Variants in TLE1 observed in about 807,000 individuals in gnomAD.
TLE1 encodes transducin-like enhancer protein 1.
A neutral mutation model predicts 89.8 loss-of-function variants in TLE1; 21 were observed. That is an observed-to-expected ratio of 0.23 (90% CI 0.17 to 0.34). TLE1 has a LOEUF of 0.34. Among genes scored for constraint, TLE1 ranks in the 10% least tolerant of loss-of-function variants. The pLI is 1.00. For synonymous variants in TLE1, 447 were observed against 407.6 expected (o/e 1.10, Z -1.16); for missense variants, 795 against 1,031.2 (o/e 0.77, Z 3.14).
intron 15 of TLE1, 63 bp downstream of exon 15, chr9:81,592,962 G>T: frequency 6.4e-7 from 1 of 1,570,384 alleles, no homozygotes; most frequent in East Asian, 2.3e-5. Flanking sequence ...GGCCCACACA[G>T]CTATTTCCTT....
At position 81,675,945 on chromosome 9, in the gene TLE1, C is replaced by T. The variant is rs562152980; in HGVS notation, c.234+9731G>A. On this transcript the variant is annotated intron_variant, in intron 4 of 19. Transcript: ENST00000376499. ...CGATCTCCTGACCTCGTGATCCGCC[C>T]GCCTCAGCCTCCCAAAGTGCTGGGA... 1.4e-4 allele frequency among the ~76,000 whole-genome samples: 22 copies of T among 152,126 alleles called. 1 individual carries two copies. The highest frequency in any genetic ancestry group is 5.1e-4 in the African/African-American group (21 of 41,502).
intron 4 of TLE1, among the ~76,000 whole-genome samples, chr9:81,671,701 ACCT>A (rs1407840548): frequency 6.6e-6 from 1 of 152,104 alleles, no homozygotes; most frequent in African/African-American, 2.4e-5. Context: ...AGTATTTGAA[ACCT>A]CCTTATACTT....
intron 4 of TLE1, among the ~76,000 whole-genome samples, chr9:81,663,819 G>A (rs1428092014): frequency 6.6e-6 from 1 of 151,688 alleles, no homozygotes; most frequent in Non-Finnish European, 1.5e-5. Context: ...TAGAGACGGG[G>A]TTTCACCATG....
intron 9 of TLE1, among the ~76,000 whole-genome samples, chr9:81,617,751 C>T (rs887341813): frequency 3.3e-5 from 5 of 151,802 alleles, no homozygotes; most frequent in African/African-American, 7.3e-5. Flanking sequence ...GTGGGCTGGG[C>T]GCGGTGGCTC....
intron 6 of TLE1, among the ~76,000 whole-genome samples, chr9:81,634,742 T>C (rs932049541): frequency 6.6e-6 from 1 of 152,130 alleles, no homozygotes; most frequent in East Asian, 1.9e-4. Context: ...CACGCTGTTT[T>C]CAGAGGGATT....
At chr9:81,655,831 C>G (rs968987131) in intron 4 of TLE1, among the ~76,000 whole-genome samples, 1 of 142,666 alleles carries the variant, frequency 7.0e-6, no homozygotes, top group Non-Finnish European at 1.5e-5. Flanking sequence ...CCAGCCAAGG[C>G]GACAGAGCAA....
chr9:81,629,372 G>C (rs1193328978), intron 8 of TLE1, among the ~76,000 whole-genome samples: 1 of 151,912 alleles, frequency 6.6e-6, no homozygotes, highest in Non-Finnish European at 1.5e-5. Flanking sequence ...GCCTTTCTTA[G>C]GTCATTTCAT....
intron 4 of TLE1, among the ~76,000 whole-genome samples, chr9:81,674,946 G>A (rs1832698677): frequency 6.6e-6 from 1 of 151,858 alleles, no homozygotes; most frequent in South Asian, 2.1e-4. Context: ...CTTGAGTCCA[G>A]GAATTCGAGA....
At chr9:81,624,048 T>C (rs1825622370) in intron 8 of TLE1, among the ~76,000 whole-genome samples, 1 of 152,034 alleles carries the variant, frequency 6.6e-6, no homozygotes, top group African/African-American at 2.4e-5. Context: ...CTCAGAAGAG[T>C]GATTTTTAAA....
chr9:81,685,002 T>C (rs1458562217), intron 4 of TLE1, among the ~76,000 whole-genome samples: 1 of 152,212 alleles, frequency 6.6e-6, no homozygotes, highest in Non-Finnish European at 1.5e-5. Context: ...TTATGGGAAC[T>C]TGCAAACTCA....
At chr9:81,684,393 T>G (rs1353736744) in intron 4 of TLE1, among the ~76,000 whole-genome samples, 2 of 116,236 alleles carry the variant, frequency 1.7e-5, no homozygotes, top group Non-Finnish European at 3.6e-5. Flanking sequence ...ACATTATTAA[T>G]AAAAGGCCCT....
At chr9:81,688,081 C>G in intron 1 of TLE1, 136 bp downstream of exon 1, 1 of 1,143,500 alleles carries the variant, frequency 8.7e-7, no homozygotes, top group Non-Finnish European at 1.3e-6. Flanking sequence ...AAGAGAGGGC[C>G]CCAGACCTCC....
chr9:81,622,930 T>A (rs1449637258), intron 8 of TLE1, among the ~76,000 whole-genome samples: 1 of 152,150 alleles, frequency 6.6e-6, no homozygotes. Context: ...ACCTAAAGTC[T>A]ACCCCACCAA....
chr9:81,637,029 A>T (rs1417559529), intron 6 of TLE1, among the ~76,000 whole-genome samples: 1 of 151,410 alleles, frequency 6.6e-6, no homozygotes, highest in African/African-American at 2.4e-5. Flanking sequence ...AAAAAGAAAA[A>T]AAAAGATTTC....
At position 81,587,902 on chromosome 9, in the gene TLE1, T is replaced by G; in HGVS notation, c.1830-74A>C. 3 of 697,452 alleles carry G rather than the reference T, an allele frequency of 4.3e-6. No homozygotes were observed. In the South Asian group the frequency reaches 5.5e-5, roughly 13 times the overall value. 43.2% of individuals were successfully genotyped at this position (697,452 alleles called of 1,614,324 possible). A position where few individuals can be genotyped will look rare whatever the true frequency, so the allele number is the denominator to read the frequency against. Reference sequence around the variant, plus strand: ...GTAAACACTGTTGTGTTGTTAGTTTTGGACCGTGTGTGTGTGTGTGTGTGT... The same window carrying G: ...GTAAACACTGTTGTGTTGTTAGTTTGGGACCGTGTGTGTGTGTGTGTGTGT... On this transcript the variant is annotated intron_variant, in intron 16 of 19. Transcript: ENST00000376499.
Position 81,608,166 on chromosome 9 carries a change from T to C in TLE1, c.1331+2054A>G, listed in dbSNP as rs1370058498. On this transcript the variant is annotated intron_variant, in intron 14 of 19. Coordinates refer to ENST00000376499, the MANE Select transcript of TLE1 (RefSeq NM_005077.5). ...GCTCATGCCTGTAATCCAAGCACTTTGGGAGGCCAAGGCAGGAGGACTGTG... is the reference window on the plus strand; with the variant it reads ...GCTCATGCCTGTAATCCAAGCACTTCGGGAGGCCAAGGCAGGAGGACTGTG... Among the ~76,000 whole-genome samples the C allele has an allele frequency of 2.0e-5, 3 of 152,042 alleles. No individual in the cohort carries two copies. The East Asian group carries it at 5.8e-4, about 29-fold the overall frequency.
At chr9:81,661,655 G>C (rs1830810850) in intron 4 of TLE1, among the ~76,000 whole-genome samples, 1 of 151,970 alleles carries the variant, frequency 6.6e-6, no homozygotes. Context: ...ACAGATACAT[G>C]GGCAAGAACA....
chr9:81,617,423 C>A (rs186194351), intron 9 of TLE1, among the ~76,000 whole-genome samples: 1 of 152,312 alleles, frequency 6.6e-6, no homozygotes, highest in East Asian at 1.9e-4. Flanking sequence ...TTCAGCCGGG[C>A]ACAGTGGCTC....
chr9:81,600,564 A>T (rs1442123352), intron 14 of TLE1, among the ~76,000 whole-genome samples: 1 of 151,944 alleles, frequency 6.6e-6, no homozygotes, highest in Non-Finnish European at 1.5e-5. Flanking sequence ...CAGAAATTAA[A>T]CTAATACCCA....
Sources: gnomAD v4.1 joint callset for allele counts (sites outside exome capture counted in the v4.1 genomes callset) on GRCh38, gnomAD v4.1.1 for gene constraint, MANE v1.5 for transcripts, NCBI Gene and HGNC (gene_info 2026-07-23, HGNC 2026-07-21) for gene names.